The following LRIG1 variants were observed in gnomAD, a reference collection of about 807,000 sequenced individuals.
The protein encoded by LRIG1 is leucine-rich repeats and immunoglobulin-like domains protein 1.
LRIG1 carries 48 observed loss-of-function variants against 99.2 expected under a neutral mutation model. That is an observed-to-expected ratio of 0.48 (90% CI 0.38 to 0.62). The LOEUF is 0.62. LRIG1 is among the 20% of genes least tolerant of loss of function. LRIG1 has a pLI of 0.00. For synonymous variants in LRIG1, 772 were observed against 596.1 expected (o/e 1.29, Z -4.30); for missense variants, 1,646 against 1,434.4 (o/e 1.15, Z -2.38).
chr3:66,473,409 G>A (rs1700647807), intron 1 of LRIG1, among the ~76,000 whole-genome samples: 1 of 152,160 alleles, frequency 6.6e-6, no homozygotes, highest in African/African-American at 2.4e-5. Flanking sequence ...TTTCAACTGT[G>A]TGACATCACA....
intron 12 of LRIG1, chr3:66,386,958 C>G (rs1050024433): frequency 5.9e-5 from 9 of 151,548 alleles, no homozygotes; most frequent in Non-Finnish European, 1.2e-4. Context: ...CTAGCAACCA[C>G]TCAAGGGTCA....
At chr3:66,498,556 A>G (rs1701278819) in intron 1 of LRIG1, among the ~76,000 whole-genome samples, 1 of 143,528 alleles carries the variant, frequency 7.0e-6, no homozygotes, top group African/African-American at 2.8e-5. Flanking sequence ...TGCCCACATG[A>G]TTCTATTTAA....
intron 2 of LRIG1, among the ~76,000 whole-genome samples, chr3:66,457,734 G>GT (rs1435176076): frequency 6.6e-6 from 1 of 152,180 alleles, no homozygotes; most frequent in Non-Finnish European, 1.5e-5. Context: ...GAAATCAAAC[G>GT]TGAGTCTATT....
At chr3:66,398,232 G>A (rs762575298) in intron 10 of LRIG1, 49 bp from the exon 11 acceptor site, 2 of 1,469,358 alleles carry the variant, frequency 1.4e-6, no homozygotes, top group East Asian at 2.3e-5. Flanking sequence ...AGGTACACCT[G>A]AGGGGTTTTC....
At chr3:66,464,651 G>C (rs1700431136) in intron 1 of LRIG1, among the ~76,000 whole-genome samples, 1 of 152,078 alleles carries the variant, frequency 6.6e-6, no homozygotes, top group Admixed American at 6.5e-5. Flanking sequence ...TTACACATGT[G>C]GCCTGGATAG....
chr3:66,392,389 C>A (rs906809953), intron 12 of LRIG1, among the ~76,000 whole-genome samples: 2 of 152,120 alleles, frequency 1.3e-5, no homozygotes, highest in Non-Finnish European at 2.9e-5. Context: ...AAGTGGCTGC[C>A]CCAGTTTACA....
intron 2 of LRIG1, among the ~76,000 whole-genome samples, chr3:66,459,945 C>T (rs1700318367): frequency 6.6e-6 from 1 of 152,172 alleles, no homozygotes; most frequent in Non-Finnish European, 1.5e-5. Context: ...TAATACTAAT[C>T]CTATCTTGAT....
intron 11 of LRIG1, among the ~76,000 whole-genome samples, chr3:66,395,925 C>A (rs1465226974): frequency 2.0e-5 from 3 of 152,234 alleles, no homozygotes; most frequent in Non-Finnish European, 4.4e-5. Context: ...TCACGAAAGC[C>A]TAGGAGAGAA....
At chr3:66,477,908 T>C (rs1408603652) in intron 1 of LRIG1, among the ~76,000 whole-genome samples, 2 of 152,100 alleles carry the variant, frequency 1.3e-5, no homozygotes, top group African/African-American at 2.4e-5. Flanking sequence ...CAAACAGATG[T>C]TGGTTGTTGT....
chr3:66,486,113 T>G (rs1268902143), intron 1 of LRIG1, among the ~76,000 whole-genome samples: 1 of 152,198 alleles, frequency 6.6e-6, no homozygotes, highest in African/African-American at 2.4e-5. Context: ...AAGATGGTGA[T>G]GATCAGTTAA....
chr3:66,424,605 C>A (rs1476918935), intron 3 of LRIG1, among the ~76,000 whole-genome samples: 2 of 152,222 alleles, frequency 1.3e-5, no homozygotes, highest in African/African-American at 2.4e-5. Flanking sequence ...TGCCTCTCAA[C>A]AGCTGACCAA....
intron 4 of LRIG1, among the ~76,000 whole-genome samples, chr3:66,415,301 C>A (rs1477613213): frequency 6.6e-6 from 1 of 152,118 alleles, no homozygotes; most frequent in East Asian, 1.9e-4. Context: ...AGCATACTGT[C>A]CTTGAAGCTG....
Position 66,398,291 on chromosome 3 carries a change from T to C in LRIG1, c.1233-108A>G, listed in dbSNP as rs796360953. On this transcript the variant is annotated intron_variant, in intron 10 of 18. Transcript: ENST00000273261. ...GACCCACAGGGACTAGCCAGACCTG[T>C]GTCCTAACTACTATAAGTGGCTGTT... 3 of 782,514 alleles carry C rather than the reference T, an allele frequency of 3.8e-6. No homozygotes were observed. The African/African-American group carries it at 5.2e-5, about 14-fold the overall frequency. The allele number at this position is 782,514 out of a possible 1,614,324, so 48.5% of individuals were successfully genotyped here.
intron 2 of LRIG1, among the ~76,000 whole-genome samples, chr3:66,461,596 T>C (rs542204598): frequency 6.6e-4 from 101 of 152,258 alleles, no homozygotes; most frequent in African/African-American, 2.3e-3. Flanking sequence ...CATGTAATAG[T>C]TTTCACTAGG....
Position 66,382,399 on chromosome 3 carries a change from C to A in LRIG1, c.2492-1G>T. On this transcript the variant is annotated splice_acceptor_variant, in intron 15 of 18. Coordinates refer to ENST00000273261, the MANE Select transcript of LRIG1 (RefSeq NM_015541.3). LOFTEE classifies it high-confidence loss of function. ...ACATCTGGTGGCACGACGGTTTCAT[C>A]TGCAAGGAGACAGAACAAATAGAAC... 1 of 1,614,222 alleles carries A rather than the reference C, an allele frequency of 6.2e-7. No homozygotes were observed. The highest frequency in any genetic ancestry group is 1.6e-4 in the Middle Eastern group (1 of 6,062).
chr3:66,392,403 C>T (rs577923714), intron 12 of LRIG1, among the ~76,000 whole-genome samples: 46 of 152,268 alleles, frequency 3.0e-4, no homozygotes, highest in Non-Finnish European at 5.7e-4. Flanking sequence ...GTTTACACTC[C>T]CACCAGCAGT....
At chr3:66,412,792 T>C (rs886439693) in intron 6 of LRIG1, 79 bp downstream of exon 6, 4 of 1,529,992 alleles carry the variant, frequency 2.6e-6, no homozygotes, top group Admixed American at 1.8e-5. Context: ...CGCACATGCA[T>C]GCGCACACAC....
At chr3:66,500,138 C>G in intron 1 of LRIG1, 52 bp downstream of exon 1, 1 of 1,418,088 alleles carries the variant, frequency 7.1e-7, no homozygotes, top group Non-Finnish European at 9.5e-7. Context: ...CCGCTCCATC[C>G]CCAAGTGACA....
intron 3 of LRIG1, among the ~76,000 whole-genome samples, chr3:66,432,509 C>T (rs971558412): frequency 2.0e-5 from 3 of 152,158 alleles, no homozygotes; most frequent in African/African-American, 4.8e-5. Context: ...GCGCTGGCTT[C>T]GCTCTTAACA....
Sources: gnomAD v4.1 joint callset for allele counts (sites outside exome capture counted in the v4.1 genomes callset) on GRCh38, gnomAD v4.1.1 for gene constraint, MANE v1.5 for transcripts, NCBI Gene and HGNC (gene_info 2026-07-23, HGNC 2026-07-21) for gene names.